The following LDLRAD4 variants were observed in gnomAD, a reference collection of about 807,000 sequenced individuals.
LDLRAD4 encodes low density lipoprotein receptor class A domain containing 4.
LDLRAD4 carries 5 observed loss-of-function variants against 17.0 expected under a neutral mutation model. The ratio of observed to expected loss-of-function variants is 0.29; its 90% CI spans 0.15 to 0.62. The LOEUF (loss-of-function observed/expected upper bound fraction) is 0.62. Among genes scored for constraint, LDLRAD4 ranks in the 20% least tolerant of loss-of-function variants. The pLI is 0.84. For missense variants in LDLRAD4, 340 were observed against 424.7 expected (o/e 0.80, Z 1.75); for synonymous variants, 168 against 171.8 (o/e 0.98, Z 0.17).
At chr18:13,342,097 T>C (rs1372109757) in intron 1 of LDLRAD4, among the ~76,000 whole-genome samples, 1 of 152,164 alleles carries the variant, frequency 6.6e-6, no homozygotes, top group Non-Finnish European at 1.5e-5. Context: ...CTTGATCGTA[T>C]TGTATAATCC....
intron 1 of LDLRAD4, among the ~76,000 whole-genome samples, chr18:13,317,626 T>C (rs1457920744): frequency 6.6e-6 from 1 of 152,236 alleles, no homozygotes; most frequent in Non-Finnish European, 1.5e-5. Flanking sequence ...AGTGTATCTG[T>C]TGAACCTGGC....
rs553623180 is a variant in LDLRAD4 at position 13,610,187 on chromosome 18, C to T, written c.182-10930C>T. On this transcript the variant is annotated intron_variant, in intron 3 of 5. Coordinates refer to ENST00000359446, the Ensembl canonical transcript of LDLRAD4. ...AAATCCCAGAGCGGGCTATTTATAA[C>T]CATTTCAAAATGCAAATATGTTCAT... 2.0e-5 allele frequency among the ~76,000 whole-genome samples: 3 copies of T among 148,034 alleles called. No homozygotes were observed. In the South Asian group the frequency reaches 6.5e-4, roughly 32 times the overall value.
Position 13,440,621 on chromosome 18 carries a change from G to C in LDLRAD4, c.181+2237G>C, listed in dbSNP as rs1369490122. On this transcript the variant is annotated intron_variant, in intron 3 of 5. Transcript: ENST00000359446. The surrounding 1 kb of genome is among the most constrained non-coding windows in gnomAD (Gnocchi z 4.4). Reference sequence around the variant, plus strand: ...TGGCTTCAGATTGATCTGGGTTCAAGGTTCGGCCTAGGGGAGTGACAGCTC... The same window carrying C: ...TGGCTTCAGATTGATCTGGGTTCAACGTTCGGCCTAGGGGAGTGACAGCTC... 6.6e-6 allele frequency among the ~76,000 whole-genome samples: 1 copy of C among 152,188 alleles called. No homozygotes were observed. Among genetic ancestry groups the C allele is most frequent in the Non-Finnish European group, 1.5e-5 (1 of 68,018 alleles).
intron 1 of LDLRAD4, among the ~76,000 whole-genome samples, chr18:13,307,357 T>C (rs558686370): frequency 1.3e-5 from 2 of 152,304 alleles, no homozygotes; most frequent in South Asian, 4.1e-4. Flanking sequence ...TTATGATGGT[T>C]CACTTCCACT....
Position 13,621,287 on chromosome 18 carries a change from GC to G in LDLRAD4, c.336+20del. The G allele has an allele frequency of 6.2e-7, 1 of 1,600,398 alleles. No homozygotes were observed. The highest frequency in any genetic ancestry group is 1.3e-5 in the African/African-American group (1 of 74,828). On this transcript the variant is annotated intron_variant, in intron 4 of 5. Transcript: ENST00000359446. This position sits in a 1 kb window ranked among gnomAD's most constrained non-coding sequence, Gnocchi z 5.5. ...GCTGCCGCAGGTGAGTACCCTGGCC[GC>G]CCCGGCTCCAGAGTCAGGCAGCTGC...
chr18:13,220,226 G>C (rs2145300748), intron 1 of LDLRAD4, among the ~76,000 whole-genome samples: 1 of 152,252 alleles, frequency 6.6e-6, no homozygotes, highest in East Asian at 1.9e-4. Flanking sequence ...TAGGAATTAG[G>C]GCTGGGAATG....
At chr18:13,485,080 T>C (rs1462939218) in intron 3 of LDLRAD4, among the ~76,000 whole-genome samples, 1 of 152,148 alleles carries the variant, frequency 6.6e-6, no homozygotes, top group East Asian at 1.9e-4. Flanking sequence ...TGAATACCTG[T>C]TGTTTACTAG....
intron 1 of LDLRAD4, among the ~76,000 whole-genome samples, chr18:13,254,805 G>GC (rs1407152590): frequency 6.6e-6 from 1 of 152,036 alleles, no homozygotes; most frequent in East Asian, 1.9e-4. Flanking sequence ...CTTTACAAAA[G>GC]CCCCCAAAAT....
intron 3 of LDLRAD4, among the ~76,000 whole-genome samples, chr18:13,571,822 G>C (rs1240581873): frequency 6.6e-6 from 1 of 152,100 alleles, no homozygotes; most frequent in Non-Finnish European, 1.5e-5. Context: ...GTTTTTAGTA[G>C]AGACGAGGTT....
intron 3 of LDLRAD4, among the ~76,000 whole-genome samples, chr18:13,508,550 C>CA (rs1169838242): frequency 1.3e-5 from 2 of 152,122 alleles, no homozygotes; most frequent in Non-Finnish European, 2.9e-5. Flanking sequence ...TTTCCCATTC[C>CA]AAAAATCCTA....
intron 1 of LDLRAD4, among the ~76,000 whole-genome samples, chr18:13,252,098 C>T (rs886290805): frequency 1.3e-5 from 2 of 151,928 alleles, no homozygotes; most frequent in African/African-American, 4.8e-5. Flanking sequence ...TAGAATATAT[C>T]TCTTGCCAGC....
At position 13,294,460 on chromosome 18, in the gene LDLRAD4, GTTA is replaced by G. The variant is rs546664016; in HGVS notation, c.-383+16277_-383+16279del. Among the ~76,000 whole-genome samples, 31 of 152,364 alleles carry G rather than the reference GTTA, an allele frequency of 2.0e-4. No individual in the cohort carries two copies. The South Asian group carries it at 6.4e-3, about 32-fold the overall frequency. ...GTCTGTGGTGGCTTAAAATGTAGCTGTTATTATAGAAGAGTGAGTTACGTCTTT... is the reference window on the plus strand; with the variant it reads ...GTCTGTGGTGGCTTAAAATGTAGCTGTTATAGAAGAGTGAGTTACGTCTTT... On this transcript the variant is annotated intron_variant, in intron 1 of 5. Transcript: ENST00000359446.
chr18:13,505,608 A>G (rs1299663867), intron 3 of LDLRAD4, among the ~76,000 whole-genome samples: 1 of 152,158 alleles, frequency 6.6e-6, no homozygotes, highest in Non-Finnish European at 1.5e-5. Context: ...TCACAAGGTC[A>G]GGAGATTGAG....
chr18:13,417,307 C>T (rs923279444), intron 2 of LDLRAD4, among the ~76,000 whole-genome samples: 5 of 152,212 alleles, frequency 3.3e-5, no homozygotes, highest in Non-Finnish European at 7.3e-5. Flanking sequence ...TCATAAGGCT[C>T]ATACAAAAAT....
chr18:13,255,794 G>C (rs1425598952), intron 1 of LDLRAD4, among the ~76,000 whole-genome samples: 2 of 152,166 alleles, frequency 1.3e-5, no homozygotes, highest in African/African-American at 2.4e-5. Context: ...GCACTGAGGT[G>C]GAGAGCTGGC....
intron 3 of LDLRAD4, among the ~76,000 whole-genome samples, chr18:13,572,435 G>T (rs545921949): frequency 6.6e-6 from 1 of 152,308 alleles, no homozygotes; most frequent in East Asian, 1.9e-4. Context: ...GTGGAAGGAG[G>T]CTCTGGTTTA....
chr18:13,478,039 A>T (rs1476216601), intron 3 of LDLRAD4, among the ~76,000 whole-genome samples: 1 of 152,116 alleles, frequency 6.6e-6, no homozygotes, highest in East Asian at 1.9e-4. Context: ...CCTACTTCTG[A>T]TACAGTGAGG....
intron 3 of LDLRAD4, among the ~76,000 whole-genome samples, chr18:13,540,530 G>A (rs2094264173): frequency 6.6e-6 from 1 of 152,134 alleles, no homozygotes; most frequent in South Asian, 2.1e-4. Context: ...CTGGTGGAGA[G>A]CTGGAGATGT....
chr18:13,290,561 A>T (rs888742410), intron 1 of LDLRAD4, among the ~76,000 whole-genome samples: 3 of 140,886 alleles, frequency 2.1e-5, no homozygotes, highest in Middle Eastern at 3.6e-3. Flanking sequence ...GGTATTCTTT[A>T]AAAAAAAAAA....
Sources: allele counts gnomAD v4.1 joint callset (sites outside exome capture counted in the v4.1 genomes callset), GRCh38; gene constraint gnomAD v4.1.1; non-coding constraint Gnocchi (gnomAD v3.1); transcripts MANE v1.5; gene names NCBI Gene and HGNC (gene_info 2026-07-23, HGNC 2026-07-21).